Variants in SLC4A4 observed in about 807,000 individuals in gnomAD.
The protein encoded by SLC4A4 is solute carrier family 4 member 4, also known as electrogenic sodium bicarbonate cotransporter 1.
Under a neutral mutation model 111.5 loss-of-function variants are expected in SLC4A4, and 27 were observed. The ratio of observed to expected loss-of-function variants is 0.24; its 90% CI spans 0.18 to 0.33. The LOEUF (loss-of-function observed/expected upper bound fraction) is 0.33. Among genes scored for constraint, SLC4A4 ranks in the 10% least tolerant of loss-of-function variants. The pLI is 1.00. For synonymous variants in SLC4A4, 443 were observed against 463.4 expected, an observed-to-expected ratio of 0.96 and a Z score of 0.57; for missense variants, 909 against 1,315.5, an observed-to-expected ratio of 0.69 and a Z score of 4.78.
chr4:71,176,965 C>T (rs1013690592), intron 2 of SLC4A4, among the ~76,000 whole-genome samples: 1 of 152,216 alleles, frequency 6.6e-6, no homozygotes, highest in Non-Finnish European at 1.5e-5. Flanking sequence ...GCCCATCAGA[C>T]TAACAGCTGA....
At chr4:71,444,999 A>G (rs996165994) in intron 8 of SLC4A4, among the ~76,000 whole-genome samples, 4 of 152,178 alleles carry the variant, frequency 2.6e-5, no homozygotes, top group Admixed American at 1.3e-4. Flanking sequence ...GTGTTATTCC[A>G]TTAATGAAGA....
At chr4:71,194,361 G>A (rs1033521143) in intron 1 of SLC4A4, among the ~76,000 whole-genome samples, 5 of 152,148 alleles carry the variant, frequency 3.3e-5, no homozygotes, top group African/African-American at 7.2e-5. Context: ...CCAGCACTGA[G>A]AACAGTTCCT....
At chr4:71,110,495 T>C (rs1743057042) in intron 2 of SLC4A4, among the ~76,000 whole-genome samples, 1 of 152,202 alleles carries the variant, frequency 6.6e-6, no homozygotes, top group Non-Finnish European at 1.5e-5. Context: ...TGTGAGCCAC[T>C]GTACCTGGGC....
chr4:71,115,379 A>G (rs891225639), intron 2 of SLC4A4, among the ~76,000 whole-genome samples: 1 of 151,736 alleles, frequency 6.6e-6, no homozygotes, highest in African/African-American at 2.4e-5. Context: ...GAAACACACA[A>G]ACAAACAAAC....
intron 6 of SLC4A4, among the ~76,000 whole-genome samples, chr4:71,382,322 T>C (rs1436178917): frequency 2.0e-5 from 3 of 152,132 alleles, no homozygotes; most frequent in African/African-American, 7.2e-5. Flanking sequence ...ACACTAGTTT[T>C]ATTGGGAGGG....
intron 6 of SLC4A4, among the ~76,000 whole-genome samples, chr4:71,369,930 T>TAC (rs932888283): frequency 1.3e-5 from 2 of 151,966 alleles, no homozygotes; most frequent in African/African-American, 4.8e-5. Context: ...TGAAAATACA[T>TAC]ACACACACAC....
intron 1 of SLC4A4, among the ~76,000 whole-genome samples, chr4:71,189,331 G>C (rs1304274370): frequency 6.6e-6 from 1 of 152,112 alleles, no homozygotes; most frequent in East Asian, 1.9e-4. Context: ...TTTAGTTCAC[G>C]TAGTCAATAT....
intron 3 of SLC4A4, among the ~76,000 whole-genome samples, chr4:71,273,058 G>C (rs905818925): frequency 1.3e-5 from 2 of 152,112 alleles, no homozygotes; most frequent in Admixed American, 6.6e-5. Context: ...ATAAGAATAG[G>C]TAATGCTCAC....
At chr4:71,131,531 A>G (rs992013404) in intron 2 of SLC4A4, among the ~76,000 whole-genome samples, 1 of 152,228 alleles carries the variant, frequency 6.6e-6, no homozygotes, top group Non-Finnish European at 1.5e-5. Context: ...AAAAGCTCAG[A>G]ATAAGCAGCA....
At chr4:71,196,611 C>T (rs1434356077) in intron 1 of SLC4A4, among the ~76,000 whole-genome samples, 1 of 151,810 alleles carries the variant, frequency 6.6e-6, no homozygotes, top group East Asian at 1.9e-4. Context: ...ACACAGTATA[C>T]TTTCCCATGG....
intron 12 of SLC4A4, among the ~76,000 whole-genome samples, chr4:71,455,778 A>G (rs1406739282): frequency 6.6e-6 from 1 of 152,156 alleles, no homozygotes; most frequent in Non-Finnish European, 1.5e-5. Flanking sequence ...ATTCTTTGCA[A>G]CCTCATAAGA....
At chr4:71,304,413 A>T (rs1725524888) in intron 3 of SLC4A4, among the ~76,000 whole-genome samples, 1 of 151,942 alleles carries the variant, frequency 6.6e-6, no homozygotes, top group Non-Finnish European at 1.5e-5. Flanking sequence ...GCCCCAGCTT[A>T]AACACAAAGG....
intron 2 of SLC4A4, among the ~76,000 whole-genome samples, chr4:71,126,810 A>G (rs1482545923): frequency 1.3e-5 from 2 of 152,326 alleles, no homozygotes; most frequent in African/African-American, 2.4e-5. Flanking sequence ...TTCTGGTTCC[A>G]TAATTTCAAA....
In SLC4A4 at chr4:71,376,156, T is replaced by TACACACACAC. The variant is rs146405766; in HGVS notation, c.730+18997_730+19006dup. Reference sequence around the variant, plus strand: ...ACATACACATATATACCTGTATATATACACACACACACACACACACACACA... The same window carrying TACACACACAC: ...ACATACACATATATACCTGTATATATACACACACACACACACACACACACACACACACACA... On this transcript the variant is annotated intron_variant, in intron 6 of 25. Transcript: ENST00000264485. Among the ~76,000 whole-genome samples, 1,051 of 135,526 alleles carry TACACACACAC rather than the reference T, an allele frequency of 7.8e-3. 9 individuals carry two copies. The highest frequency in any genetic ancestry group is 0.016 in the Middle Eastern group (4 of 258). The allele number at this position is 135,526 out of a possible 152,430, so 88.9% of individuals were successfully genotyped here. A position where few individuals can be genotyped will look rare whatever the true frequency, so the allele number is the denominator to read the frequency against.
chr4:71,089,427 C>G (rs1742308097), intron 1 of SLC4A4, among the ~76,000 whole-genome samples: 1 of 152,090 alleles, frequency 6.6e-6, no homozygotes, highest in Non-Finnish European at 1.5e-5. Context: ...CAGCTTTGTT[C>G]CATTGCTGGT....
intron 4 of SLC4A4, among the ~76,000 whole-genome samples, chr4:71,340,193 C>A (rs1403043916): frequency 6.6e-6 from 1 of 152,072 alleles, no homozygotes; most frequent in Non-Finnish European, 1.5e-5. Flanking sequence ...TACTGCACTT[C>A]AATCTGGGTG....
At chr4:71,479,450 T>C (rs918611369) in intron 14 of SLC4A4, among the ~76,000 whole-genome samples, 2 of 151,806 alleles carry the variant, frequency 1.3e-5, no homozygotes, top group African/African-American at 4.8e-5. Flanking sequence ...CAATATGTTA[T>C]AGCCATTCAA....
chr4:71,140,147 T>C (rs997972150), intron 2 of SLC4A4, among the ~76,000 whole-genome samples: 2 of 152,162 alleles, frequency 1.3e-5, no homozygotes, highest in African/African-American at 4.8e-5. Flanking sequence ...TGGCCAGGCA[T>C]AGTGGCTCAC....
At chr4:71,303,569 T>C (rs918016055) in intron 3 of SLC4A4, among the ~76,000 whole-genome samples, 2 of 152,214 alleles carry the variant, frequency 1.3e-5, no homozygotes, top group African/African-American at 4.8e-5. Flanking sequence ...TCACAGTTTC[T>C]GTTAGGATGA....
Sources: gnomAD v4.1 joint callset for allele counts (sites outside exome capture counted in the v4.1 genomes callset) on GRCh38, gnomAD v4.1.1 for gene constraint, MANE v1.5 for transcripts, NCBI Gene and HGNC (gene_info 2026-07-23, HGNC 2026-07-21) for gene names.